CCDC38: variants seen among roughly 807,000 people sequenced by gnomAD.
The protein encoded by CCDC38 is coiled-coil domain containing 38.
CCDC38 carries 69 observed loss-of-function variants against 72.8 expected under a neutral mutation model. That is an observed-to-expected ratio of 0.95 (90% CI 0.78 to 1.16). The LOEUF (loss-of-function observed/expected upper bound fraction) is 1.16. Among genes scored for constraint, CCDC38 ranks in the 50% most tolerant of loss-of-function variants. The pLI is 0.00. For missense variants in CCDC38, 626 were observed against 638.9 expected, an observed-to-expected ratio of 0.98 and a Z score of 0.22; for synonymous variants, 201 against 213.2, an observed-to-expected ratio of 0.94 and a Z score of 0.50.
At chr12:95,868,017 C>T (rs958250240) in intron 15 of CCDC38, among the ~76,000 whole-genome samples, 17 of 152,102 alleles carry the variant, frequency 1.1e-4, no homozygotes, top group African/African-American at 4.1e-4. Context: ...CAAAAATATC[C>T]TTGGGGGACT....
intron 5 of CCDC38, among the ~76,000 whole-genome samples, chr12:95,900,120 C>A (rs7972482): frequency 1.3e-5 from 2 of 151,876 alleles, no homozygotes; most frequent in African/African-American, 4.8e-5. Context: ...TTTGCACCAG[C>A]CTAATATAAG....
chr12:95,902,800 C>G (rs1425525876), intron 5 of CCDC38, among the ~76,000 whole-genome samples: 1 of 152,134 alleles, frequency 6.6e-6, no homozygotes, highest in Non-Finnish European at 1.5e-5. Context: ...GAAACTGCAG[C>G]AGACTAACTT....
intron 4 of CCDC38, among the ~76,000 whole-genome samples, chr12:95,909,233 A>G (rs759642077): frequency 6.6e-6 from 1 of 152,212 alleles, no homozygotes; most frequent in Non-Finnish European, 1.5e-5. Context: ...AGCCAATCCC[A>G]CAGAAATACA....
At chr12:95,925,056 G>GTTT (rs1347332565) in intron 2 of CCDC38, among the ~76,000 whole-genome samples, 2 of 150,118 alleles carry the variant, frequency 1.3e-5, no homozygotes, top group Non-Finnish European at 3.0e-5. Context: ...CTTTAAAGTA[G>GTTT]TTTTTTCCAA....
chr12:95,884,829 A>T (rs1592761692), intron 10 of CCDC38, among the ~76,000 whole-genome samples: 1 of 152,224 alleles, frequency 6.6e-6, no homozygotes, highest in Non-Finnish European at 1.5e-5. Context: ...TAATGACTTC[A>T]TCTTACTTTG....
chr12:95,883,410 C>T (rs970424945), intron 10 of CCDC38, among the ~76,000 whole-genome samples: 2 of 152,132 alleles, frequency 1.3e-5, no homozygotes, highest in African/African-American at 4.8e-5. Context: ...CCTTGAGCCT[C>T]TCCCCCTTTT....
At chr12:95,914,117 A>G (rs1225429540) in intron 4 of CCDC38, among the ~76,000 whole-genome samples, 1 of 152,222 alleles carries the variant, frequency 6.6e-6, no homozygotes, top group African/African-American at 2.4e-5. Context: ...TCAGGACAGG[A>G]GTTCGAGACC....
At chr12:95,883,735 G>C (rs1314235091) in intron 10 of CCDC38, among the ~76,000 whole-genome samples, 1 of 152,204 alleles carries the variant, frequency 6.6e-6, no homozygotes, top group Non-Finnish European at 1.5e-5. Context: ...TGAGGGCAGA[G>C]ATTATCTTTT....
At chr12:95,927,993 T>C (rs1173486427) in intron 2 of CCDC38, among the ~76,000 whole-genome samples, 1 of 147,930 alleles carries the variant, frequency 6.8e-6, no homozygotes, top group Non-Finnish European at 1.5e-5. Flanking sequence ...ATTTCAACTT[T>C]GGTGAATCTG....
At chr12:95,901,669 T>C (rs944103479) in intron 5 of CCDC38, among the ~76,000 whole-genome samples, 23 of 152,070 alleles carry the variant, frequency 1.5e-4, no homozygotes, top group African/African-American at 4.1e-4. Flanking sequence ...CCACAGAAGA[T>C]AGTATTTCAA....
At chr12:95,886,571 A>G (rs2079761598) in intron 10 of CCDC38, among the ~76,000 whole-genome samples, 1 of 152,222 alleles carries the variant, frequency 6.6e-6, no homozygotes, top group South Asian at 2.1e-4. Context: ...ACATATCCCC[A>G]AAGGACTAGT....
intron 5 of CCDC38, chr12:95,903,677 T>C: frequency 2.1e-6 from 1 of 483,166 alleles, no homozygotes; most frequent in Middle Eastern, 5.3e-4. Flanking sequence ...AATTTGTTAA[T>C]GTGTATTACA....
chr12:95,869,474 A>G lies in CCDC38; in HGVS notation c.1578+6T>C, dbSNP rs370843987. On this transcript the variant is annotated splice_donor_region_variant and intron_variant, in intron 15 of 15. Coordinates refer to ENST00000344280, the MANE Select transcript of CCDC38 (RefSeq NM_182496.3). The stretch of plus-strand genomic sequence containing the variant: ...TATGGCTGGATCTATTAATAGCAAA[A>G]CAAACCTTTTTCTTTGGTTGTGCTA... 6.2e-7 allele frequency: 1 copy of G among 1,610,488 alleles called. No individual in the cohort carries two copies. Among genetic ancestry groups the G allele is most frequent in the African/African-American group, 1.3e-5 (1 of 74,826 alleles).
chr12:95,904,994 C>G (rs778386875), intron 5 of CCDC38, among the ~76,000 whole-genome samples: 27 of 152,108 alleles, frequency 1.8e-4, no homozygotes, highest in Non-Finnish European at 3.2e-4. Flanking sequence ...CCAAGGACAC[C>G]AAACTTTGTG....
At chr12:95,869,356 G>T in intron 15 of CCDC38, 124 bp downstream of exon 15, 1 of 677,014 alleles carries the variant, frequency 1.5e-6, no homozygotes, top group Non-Finnish European at 2.5e-6. Flanking sequence ...ACCAATTGTA[G>T]CTGTGAGCAA....
At chr12:95,867,262 C>T (rs1262954084) in intron 15 of CCDC38, 73 bp from the exon 16 acceptor site, 3 of 771,350 alleles carry the variant, frequency 3.9e-6, no homozygotes, top group Non-Finnish European at 6.7e-6. Context: ...TTGTGAAATA[C>T]CAATATTAAC....
chr12:95,916,591 A>G (rs993818916), intron 4 of CCDC38, among the ~76,000 whole-genome samples: 4 of 152,080 alleles, frequency 2.6e-5, no homozygotes, highest in Non-Finnish European at 2.9e-5. Context: ...GATACCCCCT[A>G]CTTGTCATTT....
chr12:95,891,846 G>A (rs1043586570), intron 8 of CCDC38, among the ~76,000 whole-genome samples: 2 of 152,146 alleles, frequency 1.3e-5, no homozygotes, highest in African/African-American at 2.4e-5. Flanking sequence ...CATTAGTGGT[G>A]TGTTGGTAAA....
At chr12:95,915,952 T>A (rs1471895492) in intron 4 of CCDC38, among the ~76,000 whole-genome samples, 1 of 152,236 alleles carries the variant, frequency 6.6e-6, no homozygotes, top group Non-Finnish European at 1.5e-5. Flanking sequence ...TGGGGTCATC[T>A]GCAAAGCCAT....
Sources: allele counts gnomAD v4.1 joint callset (sites outside exome capture counted in the v4.1 genomes callset), GRCh38; gene constraint gnomAD v4.1.1; transcripts MANE v1.5; gene names NCBI Gene and HGNC (gene_info 2026-07-23, HGNC 2026-07-21).